Variants in GRIA4 observed in about 807,000 individuals in gnomAD.
GRIA4 encodes the protein glutamate ionotropic receptor AMPA type subunit 4.
Under a neutral mutation model 104.0 loss-of-function variants are expected in GRIA4, and 34 were observed. The observed-to-expected ratio is 0.33, with a 90% CI of 0.25 to 0.44. GRIA4 has a LOEUF of 0.44. GRIA4 is among the 20% of genes least tolerant of loss of function. GRIA4 has a pLI of 1.00. For missense variants in GRIA4, 750 were observed against 1,096.5 expected (o/e 0.68, Z 4.46); for synonymous variants, 386 against 381.9 (o/e 1.01, Z -0.13).
chr11:105,942,868 A>T (rs1159184400), intron 14 of GRIA4, among the ~76,000 whole-genome samples: 1 of 152,108 alleles, frequency 6.6e-6, no homozygotes, highest in East Asian at 1.9e-4. Flanking sequence ...TACAATTAAA[A>T]CTGCTTCCCA....
At chr11:105,631,304 A>C (rs535760349) in intron 3 of GRIA4, among the ~76,000 whole-genome samples, 174 of 152,326 alleles carry the variant, frequency 1.1e-3, no homozygotes, top group African/African-American at 3.9e-3. Flanking sequence ...CTCTCTTTTC[A>C]TGAGCCAGAG....
intron 3 of GRIA4, among the ~76,000 whole-genome samples, chr11:105,695,434 G>T (rs935528231): frequency 1.7e-4 from 25 of 151,088 alleles, no homozygotes; most frequent in Non-Finnish European, 4.4e-5. Context: ...GAGAGAGAGA[G>T]TGTATGCGTG....
chr11:105,859,803 T>G (rs1426010780), intron 4 of GRIA4, among the ~76,000 whole-genome samples: 1 of 152,124 alleles, frequency 6.6e-6, no homozygotes, highest in Non-Finnish European at 1.5e-5. Context: ...ATACGTCAAT[T>G]GGTATTTTTA....
chr11:105,705,627 G>C (rs1953670279), intron 3 of GRIA4, among the ~76,000 whole-genome samples: 2 of 151,884 alleles, frequency 1.3e-5, no homozygotes, highest in African/African-American at 4.8e-5. Flanking sequence ...GAGAGAGAGA[G>C]CTTACTCGAG....
intron 3 of GRIA4, among the ~76,000 whole-genome samples, chr11:105,737,713 A>G (rs1298874339): frequency 6.6e-6 from 1 of 152,118 alleles, no homozygotes; most frequent in Non-Finnish European, 1.5e-5. Flanking sequence ...AATGGTCAAA[A>G]TCCCTTCAGC....
intron 3 of GRIA4, among the ~76,000 whole-genome samples, chr11:105,645,468 A>C (rs1467660752): frequency 6.6e-6 from 1 of 152,200 alleles, no homozygotes; most frequent in Non-Finnish European, 1.5e-5. Context: ...GAAAATTCCG[A>C]CAGCATCTGT....
chr11:105,837,992 G>A (rs1944257026), intron 4 of GRIA4, among the ~76,000 whole-genome samples: 1 of 151,948 alleles, frequency 6.6e-6, no homozygotes. Flanking sequence ...TATTTAGATT[G>A]GTTTCAAAAC....
At chr11:105,812,537 A>C (rs1943217789) in intron 4 of GRIA4, among the ~76,000 whole-genome samples, 1 of 152,110 alleles carries the variant, frequency 6.6e-6, no homozygotes, top group Admixed American at 6.5e-5. Flanking sequence ...TATCTTTGAA[A>C]TAGTAATAGT....
chr11:105,942,826 T>G (rs1021062097), intron 14 of GRIA4, among the ~76,000 whole-genome samples: 1 of 152,124 alleles, frequency 6.6e-6, no homozygotes, highest in African/African-American at 2.4e-5. Context: ...GAAAAAATTA[T>G]GTAGCTTTCA....
intron 4 of GRIA4, among the ~76,000 whole-genome samples, chr11:105,861,289 C>A (rs1305954238): frequency 6.6e-6 from 1 of 152,154 alleles, no homozygotes; most frequent in African/African-American, 2.4e-5. Context: ...CTTGTTCCAT[C>A]CAGACAGCTC....
chr11:105,721,880 C>T (rs752925953), intron 3 of GRIA4, among the ~76,000 whole-genome samples: 13 of 152,020 alleles, frequency 8.6e-5, no homozygotes, highest in Non-Finnish European at 1.8e-4. Flanking sequence ...AAAAACCAGG[C>T]ATTATCTTCC....
At chr11:105,719,221 A>G (rs558682771) in intron 3 of GRIA4, among the ~76,000 whole-genome samples, 31 of 152,140 alleles carry the variant, frequency 2.0e-4, no homozygotes, top group Non-Finnish European at 4.3e-4. Flanking sequence ...AGACAGGGAC[A>G]ACTCAATAGG....
At chr11:105,748,674 C>T (rs1018244775) in intron 3 of GRIA4, among the ~76,000 whole-genome samples, 7 of 152,126 alleles carry the variant, frequency 4.6e-5, no homozygotes, top group South Asian at 2.1e-4. Flanking sequence ...TGAGCCACCG[C>T]GCCCCGCCCC....
chr11:105,932,458 AGT>A lies in GRIA4; in HGVS notation c.2047-1262_2047-1261del, dbSNP rs533125640. 8.5e-5 allele frequency among the ~76,000 whole-genome samples: 13 copies of A among 152,290 alleles called. No homozygotes were observed. In the South Asian group the frequency reaches 2.7e-3, roughly 32 times the overall value. On this transcript the variant is annotated intron_variant, in intron 13 of 16. Coordinates refer to ENST00000282499, the MANE Select transcript of GRIA4 (RefSeq NM_000829.4). The stretch of plus-strand genomic sequence containing the variant: ...ACAGTCTGAGCCACGGCACCTGGCC[AGT>A]GCTTTCCTATATTAATAAATATATC...
rs183042917 is a variant in GRIA4 at position 105,817,459 on chromosome 11, G to A, written c.488-44565G>A. On this transcript the variant is annotated intron_variant, in intron 4 of 16. Coordinates refer to ENST00000282499, the MANE Select transcript of GRIA4 (RefSeq NM_000829.4). ...TAATAAATCTGAAAACTAGCTCAGT[G>A]TTGTGGCCAGAGTAAAGTAATAGTT... Among the ~76,000 whole-genome samples, 18 of 151,462 alleles carry A rather than the reference G, an allele frequency of 1.2e-4. No homozygotes were observed. In the East Asian group the frequency reaches 3.5e-3, roughly 29 times the overall value.
At chr11:105,850,110 A>G (rs988827707) in intron 4 of GRIA4, among the ~76,000 whole-genome samples, 2 of 152,034 alleles carry the variant, frequency 1.3e-5, no homozygotes, top group Non-Finnish European at 2.9e-5. Flanking sequence ...TACCATTGTG[A>G]AAAAAAAGCA....
intron 3 of GRIA4, among the ~76,000 whole-genome samples, chr11:105,712,841 C>A (rs1364533453): frequency 1.3e-5 from 2 of 151,292 alleles, no homozygotes; most frequent in African/African-American, 2.4e-5. Flanking sequence ...AAAGTATGAG[C>A]CCAATGTGGA....
chr11:105,674,880 C>T (rs1809474959), intron 3 of GRIA4, among the ~76,000 whole-genome samples: 1 of 151,874 alleles, frequency 6.6e-6, no homozygotes, highest in African/African-American at 2.4e-5. Flanking sequence ...CAAATCAAAA[C>T]CTTAGTAGTG....
At chr11:105,675,164 A>T (rs916348432) in intron 3 of GRIA4, among the ~76,000 whole-genome samples, 1 of 151,864 alleles carries the variant, frequency 6.6e-6, no homozygotes, top group African/African-American at 2.4e-5. Context: ...ACTTTTAAGT[A>T]ATTAGGTATG....
Sources: allele counts gnomAD v4.1 joint callset (sites outside exome capture counted in the v4.1 genomes callset), GRCh38; gene constraint gnomAD v4.1.1; transcripts MANE v1.5; gene names NCBI Gene and HGNC (gene_info 2026-07-23, HGNC 2026-07-21).